Variants in TNNT2 observed in about 807,000 individuals in gnomAD.
The protein encoded by TNNT2 is troponin T, cardiac muscle.
TNNT2 carries 34 observed loss-of-function variants against 62.4 expected under a neutral mutation model. The ratio of observed to expected loss-of-function variants is 0.54; its 90% CI spans 0.41 to 0.72. TNNT2 has a LOEUF of 0.72. Among genes scored for constraint, TNNT2 ranks in the 30% least tolerant of loss-of-function variants. The pLI, the probability that TNNT2 is intolerant of heterozygous loss-of-function variation, is 0.00. For synonymous variants in TNNT2, 123 were observed against 127.2 expected (o/e 0.97, Z 0.22); for missense variants, 275 against 381.9 (o/e 0.72, Z 2.33).
chr1:201,366,841 G>C lies in TNNT2; in HGVS notation c.230C>G (p.Pro77Arg). Residue 77 changes from proline to arginine, a missense_variant, in exon 8 of 17, where the codon CCC (proline) becomes CGC (arginine). By Grantham distance (103) the Pro-to-Arg change is moderately radical. Transcript: ENST00000656932. The stretch of plus-strand genomic sequence containing the variant: ...ACCCAGGTGCCTCCCCACTCACCTG[G>C]GCTTTGGTTTGGACTCCTCCATTGG... The part of the protein sequence containing the change: ...DGPMEESKPK[P>R]RSFMPNLVPP... 1 of 1,614,032 alleles carries C rather than the reference G, an allele frequency of 6.2e-7. No homozygotes were observed. The highest frequency in any genetic ancestry group is 8.5e-7 in the Non-Finnish European group (1 of 1,180,012).
intron 6 of TNNT2, 115 bp downstream of exon 6, chr1:201,368,047 G>C: frequency 8.9e-7 from 1 of 1,118,786 alleles, no homozygotes; most frequent in South Asian, 1.2e-5. Context: ...TAGTCAATAG[G>C]AGAGTCAGGT....
At chr1:201,366,190 A>G (rs1659620058) in intron 8 of TNNT2, 1 of 1,038,368 alleles carries the variant, frequency 9.6e-7, no homozygotes, top group Admixed American at 5.0e-5. Context: ...GCAGTGCACA[A>G]GAGGCCAGGA....
In TNNT2 at chr1:201,370,725, T is replaced by C. The variant is rs139342901; in HGVS notation, c.68-880A>G. 8.5e-5 allele frequency among the ~76,000 whole-genome samples: 13 copies of C among 152,380 alleles called. No individual in the cohort carries two copies. The East Asian group carries it at 2.3e-3, about 27-fold the overall frequency. ...CCAGCACAGTGGAGAATGACTCTGC[T>C]AACTCACAGCCAAATTCTACTGTGT... On this transcript the variant is annotated intron_variant, in intron 4 of 16. Transcript: ENST00000656932.
intron 4 of TNNT2, among the ~76,000 whole-genome samples, chr1:201,370,551 G>T (rs993037388): frequency 6.6e-6 from 1 of 152,212 alleles, no homozygotes; most frequent in Non-Finnish European, 1.5e-5. Flanking sequence ...CTGGAAGAAG[G>T]ACACCTGGCA....
In TNNT2 at chr1:201,371,001, T is replaced by C. The variant is rs145687894; in HGVS notation, c.67+1026A>G. Among the ~76,000 whole-genome samples, 12 of 152,348 alleles carry C rather than the reference T, an allele frequency of 7.9e-5. No homozygotes were observed. In the East Asian group the frequency reaches 2.1e-3, roughly 27 times the overall value. ...GCCTGTGGCCTCTTTCAGTTTCTCC[T>C]GTGAATTTCTCTTCTGTCTCCTCTT... On this transcript the variant is annotated intron_variant, in intron 4 of 16. Coordinates refer to ENST00000656932, the MANE Select transcript of TNNT2 (RefSeq NM_001276345.2).
chr1:201,374,431 A>G (rs1661091460), intron 1 of TNNT2: 1 of 152,132 alleles, frequency 6.6e-6, no homozygotes, highest in Admixed American at 6.5e-5. Flanking sequence ...TCATGGAGAT[A>G]AAGTGTACAC....
At chr1:201,362,364 G>A in intron 13 of TNNT2, 22 bp downstream of exon 13, 1 of 1,613,602 alleles carries the variant, frequency 6.2e-7, no homozygotes, top group Non-Finnish European at 8.5e-7. Context: ...GAGGAAGAAG[G>A]CTTGAGGTTT....
At chr1:201,366,629 TG>T in intron 8 of TNNT2, 2 of 1,460,882 alleles carry the variant, frequency 1.4e-6, no homozygotes, top group South Asian at 1.4e-5. Flanking sequence ...GCACGATTGG[TG>T]ATGGAGTGTT....
intron 13 of TNNT2, 85 bp downstream of exon 13, chr1:201,362,301 C>A (rs1658819767): frequency 6.3e-7 from 1 of 1,577,414 alleles, no homozygotes; most frequent in Non-Finnish European, 8.6e-7. Context: ...CTCTTCACTC[C>A]TCCCCTCCAG....
intron 5 of TNNT2, 44 bp from the exon 6 acceptor site, chr1:201,368,271 A>G (rs762162586): frequency 6.3e-7 from 1 of 1,598,268 alleles, no homozygotes; most frequent in Middle Eastern, 1.7e-4. Flanking sequence ...GGCCCCACTC[A>G]TGCTATCAGG....
In TNNT2 at chr1:201,364,315, G is replaced by T. The variant is rs730881123; in HGVS notation, c.472C>A (p.Arg158=). 2 of 1,612,854 alleles carry T rather than the reference G, an allele frequency of 1.2e-6. No individual in the cohort carries two copies. The highest frequency in any genetic ancestry group is 2.2e-5 in the East Asian group (1 of 44,876). ...QRIRNEREKE[R]QNRLAEERAR... Reference sequence around the variant, plus strand: ...TCACTCACAGCCAGGCGGTTCTGCCGCTCCTTCTCCCGCTCATTCCGGATG... The same window carrying T: ...TCACTCACAGCCAGGCGGTTCTGCCTCTCCTTCTCCCGCTCATTCCGGATG... The change falls in exon 11 of 17, where the codon CGG becomes AGG. Residue 158 remains arginine (R), a synonymous_variant. Coordinates refer to ENST00000656932, the MANE Select transcript of TNNT2 (RefSeq NM_001276345.2).
chr1:201,366,740 C>CA, intron 8 of TNNT2, 98 bp downstream of exon 8: 1 of 1,609,764 alleles, frequency 6.2e-7, no homozygotes, highest in South Asian at 1.1e-5. Flanking sequence ...ACCAAACCCC[C>CA]AGCCCGTGTC....
intron 1 of TNNT2, among the ~76,000 whole-genome samples, chr1:201,375,627 G>T (rs1661283536): frequency 6.6e-6 from 1 of 152,204 alleles, no homozygotes; most frequent in African/African-American, 2.4e-5. Flanking sequence ...CCCTAGGATG[G>T]GTGGGGCTGA....
intron 1 of TNNT2, chr1:201,375,311 A>G (rs1365178027): frequency 6.6e-6 from 1 of 152,242 alleles, no homozygotes; most frequent in African/African-American, 2.4e-5. Context: ...CATTATGTCC[A>G]GTTCTGCTGG....
At chr1:201,365,572 C>A in intron 9 of TNNT2, 38 bp downstream of exon 9, 1 of 1,607,264 alleles carries the variant, frequency 6.2e-7, no homozygotes, top group Non-Finnish European at 8.5e-7. Context: ...TGGGACTATC[C>A]CCAGCCCAGG....
At chr1:201,367,306 G>A (rs1462028538) in intron 7 of TNNT2, 1 of 381,728 alleles carries the variant, frequency 2.6e-6, no homozygotes, top group African/African-American at 2.1e-5. Context: ...ATGATTCCAA[G>A]CCCCAGCTGG....
intron 1 of TNNT2, 198 bp from the exon 2 acceptor site, chr1:201,373,466 C>A (rs1312338191): frequency 3.2e-6 from 2 of 625,808 alleles, no homozygotes; most frequent in African/African-American, 1.8e-5. Context: ...GGCAGCAAGG[C>A]CACCTGCTGA....
intron 8 of TNNT2, chr1:201,366,317 C>T: frequency 9.7e-7 from 1 of 1,026,310 alleles, no homozygotes; most frequent in Non-Finnish European, 1.2e-6. Context: ...TCAACCTCTG[C>T]TGGCAGGGTT....
chr1:201,372,417 A>G (rs1660778827), intron 2 of TNNT2, among the ~76,000 whole-genome samples: 1 of 152,104 alleles, frequency 6.6e-6, no homozygotes, highest in Non-Finnish European at 1.5e-5. Flanking sequence ...CGTTCTGCTC[A>G]CTTACTCTTT....
Sources: allele counts gnomAD v4.1 joint callset (sites outside exome capture counted in the v4.1 genomes callset), GRCh38; gene constraint gnomAD v4.1.1; transcripts MANE v1.5; gene names NCBI Gene and HGNC (gene_info 2026-07-23, HGNC 2026-07-21).